Variants in CAPN1 observed in about 807,000 individuals in gnomAD.
CAPN1 encodes the protein calpain-1 catalytic subunit.
Under a neutral mutation model 105.2 loss-of-function variants are expected in CAPN1, and 77 were observed. That is an observed-to-expected ratio of 0.73 (90% CI 0.61 to 0.88). The LOEUF is 0.88. Ranked by LOEUF, CAPN1 falls within the 40% of genes least tolerant of loss-of-function variation. CAPN1 has a pLI of 0.00. For synonymous variants in CAPN1, 355 were observed against 388.8 expected, an observed-to-expected ratio of 0.91 and a Z score of 1.02; for missense variants, 833 against 976.6, an observed-to-expected ratio of 0.85 and a Z score of 1.96.
At chr11:65,205,323 C>T (rs1948939973) in intron 11 of CAPN1, among the ~76,000 whole-genome samples, 1 of 152,226 alleles carries the variant, frequency 6.6e-6, no homozygotes, top group Non-Finnish European at 1.5e-5. Flanking sequence ...CACACACTGC[C>T]CTCAAGACAG....
At position 65,200,932 on chromosome 11, in the gene CAPN1, C is replaced by CTTT. The variant is rs56897147; in HGVS notation, c.1166-3723_1166-3721dup. Reference sequence around the variant, plus strand: ...TACAGATCCATGCCACCATGCCTGGCTTTTTTTTTTTTTTTTTTTTTTTTT... The same window carrying CTTT: ...TACAGATCCATGCCACCATGCCTGGCTTTTTTTTTTTTTTTTTTTTTTTTTTTT... On this transcript the variant is annotated intron_variant, in intron 10 of 21. Coordinates refer to ENST00000279247, the MANE Select transcript of CAPN1 (RefSeq NM_005186.4). Among the ~76,000 whole-genome samples the CTTT allele has an allele frequency of 6.6e-3, 326 of 49,456 alleles. 114 individuals carry two copies. The highest frequency in any genetic ancestry group is 8.7e-3 in the African/African-American group (120 of 13,822). 32.4% of individuals were successfully genotyped at this position (49,456 alleles called of 152,430 possible).
chr11:65,205,842 G>GA, intron 12 of CAPN1, 121 bp downstream of exon 12: 1 of 892,632 alleles, frequency 1.1e-6, no homozygotes, highest in Non-Finnish European at 1.9e-6. Flanking sequence ...TTCACTGCTT[G>GA]AAAAATGCTT....
Position 65,186,067 on chromosome 11 carries a change from G to A in CAPN1, c.590+17G>A. 6.2e-7 allele frequency: 1 copy of A among 1,610,432 alleles called. No homozygotes were observed. Among genetic ancestry groups the A allele is most frequent in the Non-Finnish European group, 8.5e-7 (1 of 1,178,264 alleles). On this transcript the variant is annotated intron_variant, in intron 5 of 21. Transcript: ENST00000279247. ...CTATGCCAAGTGAGTAGCGGCTGAGGGGGCAACTCCAGCTTCCAGCTCCCC... is the reference window on the plus strand; with the variant it reads ...CTATGCCAAGTGAGTAGCGGCTGAGAGGGCAACTCCAGCTTCCAGCTCCCC...
rs1288396899 is a variant in CAPN1, at chr11:65,187,976, G to A, written c.865G>A (p.Val289Met). 1 of 1,562,904 alleles carries A rather than the reference G, an allele frequency of 6.4e-7. No homozygotes were observed. Among genetic ancestry groups the A allele is most frequent in the South Asian group, 1.2e-5 (1 of 84,684 alleles). The stretch of plus-strand genomic sequence containing the variant: ...ATAGGTGAACTACCGAGGCCAGGTG[G>A]TGAGCCTGATCCGGATGCGGAACCC... ...AKQVNYRGQVVSLIRMRNPWG... is the reference protein window; with the variant it reads ...AKQVNYRGQVMSLIRMRNPWG... Residue 289 changes from valine to methionine, a missense_variant, in exon 8 of 22, where the codon GTG becomes ATG. Coordinates refer to ENST00000279247, the MANE Select transcript of CAPN1 (RefSeq NM_005186.4).
At chr11:65,193,954 T>C (rs565243451) in intron 10 of CAPN1, among the ~76,000 whole-genome samples, 1 of 145,494 alleles carries the variant, frequency 6.9e-6, no homozygotes, top group South Asian at 2.2e-4. Context: ...TCTACTTTCT[T>C]TGGATTGATT....
Position 65,188,875 on chromosome 11 carries a change from G to A in CAPN1, c.1165+129G>A. On this transcript the variant is annotated intron_variant, in intron 10 of 21. Transcript: ENST00000279247. The surrounding 1 kb of genome is among the most constrained non-coding windows in gnomAD (Gnocchi z 5.5). ...TGATCTCTTGAATTTGCTTTGAGGA[G>A]TAAAATATTAAATGTCCTAGTAAAT... The A allele has an allele frequency of 1.3e-6, 1 of 794,420 alleles. No homozygotes were observed. The highest frequency in any genetic ancestry group is 2.0e-6 in the Non-Finnish European group (1 of 510,446). 49.2% of individuals were successfully genotyped at this position (794,420 alleles called of 1,614,324 possible).
chr11:65,188,360 A>T lies in CAPN1; in HGVS notation c.930-54A>T. On this transcript the variant is annotated intron_variant, in intron 8 of 21. Transcript: ENST00000279247. The surrounding 1 kb of genome is among the most constrained non-coding windows in gnomAD (Gnocchi z 5.5). ...GCCAGGGTAGACAGGCCCCAGGGAC[A>T]GAGGCCAGGCAGGTCAGTGCCCACC... 1 of 1,493,608 alleles carries T rather than the reference A, an allele frequency of 6.7e-7. No individual in the cohort carries two copies. Among genetic ancestry groups the T allele is most frequent in the Non-Finnish European group, 9.2e-7 (1 of 1,088,152 alleles). 92.5% of individuals were successfully genotyped at this position (1,493,608 alleles called of 1,614,324 possible).
rs1949026011 is a variant in CAPN1, at chr11:65,210,282, T to C, written c.1943-54T>C. 1 of 1,337,948 alleles carries C rather than the reference T, an allele frequency of 7.5e-7. No individual in the cohort carries two copies. Among genetic ancestry groups the C allele is most frequent in the Non-Finnish European group, 1.1e-6 (1 of 940,558 alleles). 82.9% of individuals were successfully genotyped at this position (1,337,948 alleles called of 1,614,324 possible). A position where few individuals can be genotyped will look rare whatever the true frequency, so the allele number is the denominator to read the frequency against. ...TCCTGGGGACCCAACCCCTCCCCCA[T>C]CCTGTTGGGCAGGGGCTGCGCCTCA... On this transcript the variant is annotated intron_variant, in intron 19 of 21. Transcript: ENST00000279247. This position sits in a 1 kb window ranked among gnomAD's most constrained non-coding sequence, Gnocchi z 4.3.
At position 65,182,854 on chromosome 11, in the gene CAPN1, G is replaced by A. The variant is rs1948562424; in HGVS notation, c.153G>A (p.Gln51=). 1 of 1,601,232 alleles carries A rather than the reference G, an allele frequency of 6.2e-7. No individual in the cohort carries two copies. Among genetic ancestry groups the A allele is most frequent in the Non-Finnish European group, 8.5e-7 (1 of 1,174,306 alleles). The change falls in exon 2 of 22, where the codon CAG becomes CAA. Residue 51 remains glutamine (Q), a synonymous_variant. Transcript: ENST00000279247. ...DYEQLRVRCL[Q]SGTLFRDEAF... is the part of the protein sequence containing the mutation. ...AGCAGCTGCGGGTGCGATGCCTGCAGAGTGGGACCCTCTTCCGTGATGAGG... is the reference window on the plus strand; with the variant it reads ...AGCAGCTGCGGGTGCGATGCCTGCAAAGTGGGACCCTCTTCCGTGATGAGG...
Position 65,211,632 on chromosome 11 carries a change from A to C in CAPN1, c.*346A>C. Reference sequence around the variant, plus strand: ...TCCCCACTTCAGAGGCCACCCACTCAGCACCACCGGCCTGGCCTTGCCTGC... The same window carrying C: ...TCCCCACTTCAGAGGCCACCCACTCCGCACCACCGGCCTGGCCTTGCCTGC... On this transcript the variant is annotated 3_prime_UTR_variant, in exon 22 of 22. Coordinates refer to ENST00000279247, the MANE Select transcript of CAPN1 (RefSeq NM_005186.4). The C allele has an allele frequency of 2.3e-6, 1 of 432,326 alleles. No homozygotes were observed. Among genetic ancestry groups the C allele is most frequent in the Non-Finnish European group, 4.3e-6 (1 of 233,154 alleles). 26.8% of individuals were successfully genotyped at this position (432,326 alleles called of 1,614,324 possible).
At chr11:65,182,270 T>G in intron 1 of CAPN1, 2 of 164,392 alleles carry the variant, frequency 1.2e-5, no homozygotes, top group South Asian at 1.7e-4. Context: ...CGTCTGGGGT[T>G]TTCAGCCCAC....
intron 10 of CAPN1, among the ~76,000 whole-genome samples, chr11:65,202,631 C>T (rs1232928020): frequency 1.3e-5 from 2 of 151,312 alleles, no homozygotes; most frequent in East Asian, 2.0e-4. Context: ...TTAGTACAGA[C>T]GGGGTTTCAC....
In CAPN1 at chr11:65,201,827, G is replaced by GTT. The variant is rs1198171280; in HGVS notation, c.1166-2844_1166-2843dup. ...GCCACCGCGCCCGGCTTTTGTTTTT[G>GTT]TTTTTTTTTTTTTGAGACACGGTCT... On this transcript the variant is annotated intron_variant, in intron 10 of 21. Coordinates refer to ENST00000279247, the MANE Select transcript of CAPN1 (RefSeq NM_005186.4). Among the ~76,000 whole-genome samples the GTT allele has an allele frequency of 9.7e-5, 10 of 103,208 alleles. 1 individual carries two copies. Among genetic ancestry groups the GTT allele is most frequent in the East Asian group, 2.7e-4 (1 of 3,694 alleles). The allele number at this position is 103,208 out of a possible 152,430, so 67.7% of individuals were successfully genotyped here.
intron 10 of CAPN1, among the ~76,000 whole-genome samples, chr11:65,189,104 A>G (rs1204974763): frequency 2.0e-5 from 3 of 149,338 alleles, no homozygotes; most frequent in East Asian, 3.9e-4. Context: ...GCTGACTACA[A>G]CCTCCATCTC....
In CAPN1 at chr11:65,183,314, C is replaced by T; in HGVS notation, c.337+117C>T. The T allele has an allele frequency of 2.5e-6, 3 of 1,184,784 alleles. No individual in the cohort carries two copies. The South Asian group carries it at 3.8e-5, about 15-fold the overall frequency. The allele number at this position is 1,184,784 out of a possible 1,614,324, so 73.4% of individuals were successfully genotyped here. A position where few individuals can be genotyped will look rare whatever the true frequency, so the allele number is the denominator to read the frequency against. On this transcript the variant is annotated intron_variant, in intron 3 of 21. Transcript: ENST00000279247. ...GCAAGCCCAGGCAGGATCTGGCTAT[C>T]AGCGCTGGGGCTGGTTTGCCCAGAT...
chr11:65,188,576 C>A lies in CAPN1; in HGVS notation c.1005-10C>A, dbSNP rs749281428. 6.2e-7 allele frequency: 1 copy of A among 1,613,992 alleles called. No individual in the cohort carries two copies. Among genetic ancestry groups the A allele is most frequent in the Non-Finnish European group, 8.5e-7 (1 of 1,179,856 alleles). On this transcript the variant is annotated splice_polypyrimidine_tract_variant and intron_variant, in intron 9 of 21. Transcript: ENST00000279247. The surrounding 1 kb of genome is among the most constrained non-coding windows in gnomAD (Gnocchi z 5.5). Reference sequence around the variant, plus strand: ...CGGGCTGTGCCTCACCTGTGTACCTCCCACCTCAGGATGTCATTCCGAGAC... The same window carrying A: ...CGGGCTGTGCCTCACCTGTGTACCTACCACCTCAGGATGTCATTCCGAGAC...
chr11:65,198,486 C>A (rs1048850728), intron 10 of CAPN1, among the ~76,000 whole-genome samples: 1 of 152,070 alleles, frequency 6.6e-6, no homozygotes, highest in Admixed American at 6.6e-5. Flanking sequence ...AATGCATAAA[C>A]CTTAGAAATT....
chr11:65,186,267 GCTCCCAGTGACCTCTACCAGATCATC>G lies in CAPN1; in HGVS notation c.692_717del (p.Pro231GlnfsTer82). On this transcript the variant is annotated frameshift_variant, in exon 6 of 22. Coordinates refer to ENST00000279247, the MANE Select transcript of CAPN1 (RefSeq NM_005186.4). LOFTEE classifies it high-confidence loss of function. ...TACCGAGTGGTACGAGTTGCGCAAG[GCTCCCAGTGACCTCTACCAGATCATC>G]CTCAAGGCGCTGGAGCGGGGCTCCC... The G allele has an allele frequency of 6.2e-7, 1 of 1,613,512 alleles. No homozygotes were observed. The highest frequency in any genetic ancestry group is 8.5e-7 in the Non-Finnish European group (1 of 1,179,684).
At position 65,206,823 on chromosome 11, in the gene CAPN1, C is replaced by T. The variant is rs775544102; in HGVS notation, c.1605+4C>T. On this transcript the variant is annotated splice_donor_region_variant and intron_variant, in intron 14 of 21. Transcript: ENST00000279247. The stretch of plus-strand genomic sequence containing the variant: ...CCAGGCCAATCTCCCCGATGAGGTG[C>T]GTGGTCCCACCCCACCAGGCCCCGT... 5.6e-6 allele frequency: 9 copies of T among 1,610,730 alleles called. No homozygotes were observed. Among genetic ancestry groups the T allele is most frequent in the African/African-American group, 4.0e-5 (3 of 74,814 alleles).
Sources: gnomAD v4.1 joint callset for allele counts (sites outside exome capture counted in the v4.1 genomes callset) on GRCh38, gnomAD v4.1.1 for gene constraint, Gnocchi (gnomAD v3.1) non-coding constraint, MANE v1.5 for transcripts, NCBI Gene and HGNC (gene_info 2026-07-23, HGNC 2026-07-21) for gene names.